RAB2A: variants seen among roughly 807,000 people sequenced by gnomAD.
RAB2A encodes ras-related protein Rab-2A.
Under a neutral mutation model 32.5 loss-of-function variants are expected in RAB2A, and 7 were observed. That is an observed-to-expected ratio of 0.22 (90% CI 0.12 to 0.40). RAB2A has a LOEUF of 0.40. Ranked by LOEUF, RAB2A falls within the 10% of genes least tolerant of loss-of-function variation. The pLI, the probability that RAB2A is intolerant of heterozygous loss-of-function variation, is 1.00. For synonymous variants in RAB2A, 79 were observed against 85.2 expected, an observed-to-expected ratio of 0.93 and a Z score of 0.40; for missense variants, 108 against 260.7, an observed-to-expected ratio of 0.41 and a Z score of 4.03.
At chr8:60,593,610 G>T (rs1022908266) in intron 6 of RAB2A, among the ~76,000 whole-genome samples, 3 of 152,104 alleles carry the variant, frequency 2.0e-5, no homozygotes, top group African/African-American at 7.2e-5. Context: ...GGAGTGAGAG[G>T]AAGCCAACTA....
Position 60,623,626 on chromosome 8 carries a change from T to C in RAB2A, c.*2857T>C, listed in dbSNP as rs1804564570. 6.6e-6 allele frequency: 1 copy of C among 152,238 alleles called. No homozygotes were observed. 9.4% of individuals were successfully genotyped at this position (152,238 alleles called of 1,614,324 possible). A position where few individuals can be genotyped will look rare whatever the true frequency, so the allele number is the denominator to read the frequency against. ...ATTAAAATAAAGCCTAACGCCACAG[T>C]AGATCATCTCATACTGCATTCGGAT... On this transcript the variant is annotated 3_prime_UTR_variant, in exon 8 of 8. Coordinates refer to ENST00000262646, the MANE Select transcript of RAB2A (RefSeq NM_002865.3).
intron 1 of RAB2A, among the ~76,000 whole-genome samples, chr8:60,540,329 A>C (rs1313829027): frequency 4.0e-5 from 6 of 151,890 alleles, no homozygotes; most frequent in Admixed American, 6.6e-5. Flanking sequence ...GTGGTAATGA[A>C]AATAAAAGGA....
chr8:60,525,900 G>A (rs1807370207), intron 1 of RAB2A, among the ~76,000 whole-genome samples: 1 of 147,422 alleles, frequency 6.8e-6, no homozygotes, highest in South Asian at 2.1e-4. Flanking sequence ...ATATTTTTTA[G>A]TTTTTTTAAT....
At chr8:60,592,741 A>T (rs1803963360) in intron 6 of RAB2A, among the ~76,000 whole-genome samples, 1 of 152,176 alleles carries the variant, frequency 6.6e-6, no homozygotes, top group African/African-American at 2.4e-5. Flanking sequence ...TGGAGGTAGT[A>T]TGTATATACA....
At chr8:60,585,282 T>TTTTGTTTTGTTTTG (rs1563478268) in intron 5 of RAB2A, among the ~76,000 whole-genome samples, 85 of 148,652 alleles carry the variant, frequency 5.7e-4, no homozygotes, top group African/African-American at 2.0e-3. Flanking sequence ...GGCACCATTC[T>TTTTGTTTTGTTTTG]TTTTGTTTTG....
chr8:60,570,276 A>G (rs959196641), intron 2 of RAB2A, among the ~76,000 whole-genome samples: 3 of 152,198 alleles, frequency 2.0e-5, no homozygotes, highest in Admixed American at 6.5e-5. Flanking sequence ...ATCCCTGACA[A>G]TGGAAGGAAA....
chr8:60,556,139 C>CTG (rs1248140953), intron 1 of RAB2A, among the ~76,000 whole-genome samples: 4 of 152,064 alleles, frequency 2.6e-5, no homozygotes, highest in Non-Finnish European at 4.4e-5. Context: ...TTCTCGTATC[C>CTG]ACAATAAGTA....
intron 1 of RAB2A, among the ~76,000 whole-genome samples, chr8:60,527,376 G>T (rs1313575712): frequency 6.6e-6 from 1 of 152,146 alleles, no homozygotes; most frequent in Admixed American, 6.6e-5. Context: ...AGTAAAATAA[G>T]ATCAGAAGAG....
At chr8:60,579,759 C>T (rs1339030940) in intron 3 of RAB2A, among the ~76,000 whole-genome samples, 6 of 151,896 alleles carry the variant, frequency 4.0e-5, no homozygotes, top group Admixed American at 1.3e-4. Flanking sequence ...TCCCGAGTAG[C>T]TGGGACTACA....
At chr8:60,547,834 AC>A (rs1334206503) in intron 1 of RAB2A, among the ~76,000 whole-genome samples, 2 of 47,932 alleles carry the variant, frequency 4.2e-5, no homozygotes, top group African/African-American at 1.1e-4. Context: ...CGGGGGGCTG[AC>A]CCCCCCACCT....
Position 60,605,826 on chromosome 8 carries a change from CTAATACATATATACATATATATATA to C in RAB2A, c.475-12749_475-12725del, listed in dbSNP as rs1372093343. On this transcript the variant is annotated intron_variant, in intron 6 of 7. Transcript: ENST00000262646. ...TTTACAGGCTCATAGGCAAAAGGGA[CTAATACATATATACATATATATATA>C]TAATGCTTCATTTCAAGCTGGGGGT... Among the ~76,000 whole-genome samples, 191 of 90,560 alleles carry C rather than the reference CTAATACATATATACATATATATATA, an allele frequency of 2.1e-3. 2 individuals are homozygous for C. The highest frequency in any genetic ancestry group is 0.018 in the African/African-American group (176 of 9,852). The allele number at this position is 90,560 out of a possible 152,430, so 59.4% of individuals were successfully genotyped here.
chr8:60,607,573 GCCTA>G (rs1485257423), intron 6 of RAB2A, among the ~76,000 whole-genome samples: 1 of 152,072 alleles, frequency 6.6e-6, no homozygotes, highest in African/African-American at 2.4e-5. Flanking sequence ...ACCATGCCCA[GCCTA>G]CCTAAGTCAG....
intron 6 of RAB2A, among the ~76,000 whole-genome samples, chr8:60,608,878 A>G (rs1423798599): frequency 1.3e-5 from 2 of 152,076 alleles, no homozygotes; most frequent in African/African-American, 4.8e-5. Flanking sequence ...ACATTGATTT[A>G]TTCAGTTAAT....
Position 60,547,448 on chromosome 8 carries a change from G to A in RAB2A, c.47-11404G>A, listed in dbSNP as rs1271301168. Among the ~76,000 whole-genome samples, 189 of 152,150 alleles carry A rather than the reference G, an allele frequency of 1.2e-3. 2 individuals are homozygous for A. Among genetic ancestry groups the A allele is most frequent in the Middle Eastern group, 6.8e-3 (2 of 294 alleles). On this transcript the variant is annotated intron_variant, in intron 1 of 7. Coordinates refer to ENST00000262646, the MANE Select transcript of RAB2A (RefSeq NM_002865.3). The stretch of plus-strand genomic sequence containing the variant: ...GACGGGGTGGTGGCCGGGCAGAGGG[G>A]CTCCTCACTTCCCAGTAGGCGCGGC...
At chr8:60,591,416 G>T (rs1316596742) in intron 5 of RAB2A, among the ~76,000 whole-genome samples, 1 of 151,904 alleles carries the variant, frequency 6.6e-6, no homozygotes, top group Non-Finnish European at 1.5e-5. Context: ...TAGTACTTTG[G>T]ATTTTCTAAA....
intron 1 of RAB2A, among the ~76,000 whole-genome samples, chr8:60,556,226 G>C (rs1807935941): frequency 6.6e-6 from 1 of 152,190 alleles, no homozygotes; most frequent in African/African-American, 2.4e-5. Context: ...TAGGGGAAAG[G>C]TGAGGATAGG....
intron 2 of RAB2A, among the ~76,000 whole-genome samples, chr8:60,570,684 T>C (rs1158736305): frequency 6.6e-6 from 1 of 152,236 alleles, no homozygotes; most frequent in African/African-American, 2.4e-5. Flanking sequence ...CTCTTTTCTC[T>C]AGCTTTCCTG....
chr8:60,617,735 C>T (rs757101233), intron 6 of RAB2A, among the ~76,000 whole-genome samples: 10 of 152,000 alleles, frequency 6.6e-5, no homozygotes, highest in Non-Finnish European at 1.5e-4. Flanking sequence ...ACAGGGTGAG[C>T]CCCTGTCTCA....
At chr8:60,564,123 A>G (rs1197210660) in intron 2 of RAB2A, among the ~76,000 whole-genome samples, 1 of 152,168 alleles carries the variant, frequency 6.6e-6, no homozygotes, top group African/African-American at 2.4e-5. Flanking sequence ...GTAGAACGAT[A>G]TCATACTTTC....
Sources: gnomAD v4.1 joint callset for allele counts (sites outside exome capture counted in the v4.1 genomes callset) on GRCh38, gnomAD v4.1.1 for gene constraint, MANE v1.5 for transcripts, NCBI Gene and HGNC (gene_info 2026-07-23, HGNC 2026-07-21) for gene names.